The following NRG1 variants were observed in gnomAD, a reference collection of about 807,000 sequenced individuals.
The protein encoded by NRG1 is neuregulin 1.
Under a neutral mutation model 63.8 loss-of-function variants are expected in NRG1, and 18 were observed. The ratio of observed to expected loss-of-function variants is 0.28; its 90% confidence interval spans 0.19 to 0.42. The LOEUF is 0.42. NRG1 is among the 10% of genes least tolerant of loss of function. The probability of loss-of-function intolerance (pLI) is 1.00; values close to 1 mark genes in which losing one functional copy is unlikely to be tolerated. For synonymous variants in NRG1, 302 were observed against 301.3 expected, an observed-to-expected ratio of 1.00 and a Z score of -0.02; for missense variants, 762 against 814.7, an observed-to-expected ratio of 0.94 and a Z score of 0.79.
chr8:31,778,996 C>T (rs1002359858), intron 1 of NRG1, among the ~76,000 whole-genome samples: 11 of 152,200 alleles, frequency 7.2e-5, no homozygotes, highest in African/African-American at 2.7e-4. Context: ...ACTTCAGATG[C>T]TCAGGAACGA....
chr8:32,244,257 T>C (rs1203333399), intron 1 of NRG1, among the ~76,000 whole-genome samples: 1 of 152,200 alleles, frequency 6.6e-6, no homozygotes, highest in Non-Finnish European at 1.5e-5. Flanking sequence ...AGAAAAGTGA[T>C]TTTCAGATCA....
intron 1 of NRG1, among the ~76,000 whole-genome samples, chr8:32,418,396 C>A (rs1816230935): frequency 6.8e-6 from 1 of 146,460 alleles, no homozygotes; most frequent in African/African-American, 2.4e-5. Flanking sequence ...ATAATATATT[C>A]TCTTTTATAT....
At chr8:31,926,609 G>A (rs1834378742) in intron 1 of NRG1, among the ~76,000 whole-genome samples, 1 of 152,086 alleles carries the variant, frequency 6.6e-6, no homozygotes, top group South Asian at 2.1e-4. Context: ...ATCCTCATAT[G>A]TGCAATGAAA....
intron 1 of NRG1, among the ~76,000 whole-genome samples, chr8:31,774,766 C>A (rs1402163471): frequency 1.3e-5 from 2 of 152,116 alleles, no homozygotes; most frequent in African/African-American, 4.8e-5. Flanking sequence ...TAAAAGGGGG[C>A]TTTAAAGTAC....
At chr8:32,646,694 A>G in intron 5 of NRG1, 1 of 985,430 alleles carries the variant, frequency 1.0e-6, no homozygotes, top group Non-Finnish European at 1.2e-6. Context: ...AGAGAAAGAA[A>G]GAAAAAGGAG....
chr8:32,627,558 C>T (rs572575316), intron 5 of NRG1, among the ~76,000 whole-genome samples: 1 of 152,286 alleles, frequency 6.6e-6, no homozygotes, highest in Non-Finnish European at 1.5e-5. Flanking sequence ...AATGCTCCCA[C>T]CTCAGCCCCA....
intron 5 of NRG1, among the ~76,000 whole-genome samples, chr8:32,702,183 T>C (rs959060224): frequency 6.6e-6 from 1 of 152,298 alleles, no homozygotes; most frequent in Non-Finnish European, 1.5e-5. Flanking sequence ...GGGAAGTGTA[T>C]CCTGAGTGCT....
chr8:32,481,208 G>T (rs188720598), intron 1 of NRG1, among the ~76,000 whole-genome samples: 6 of 152,014 alleles, frequency 3.9e-5, no homozygotes, highest in Non-Finnish European at 7.4e-5. Context: ...CTGGGTATGT[G>T]GGGGGTGCAC....
At chr8:32,549,982 GGC>G (rs1206985747) in intron 1 of NRG1, among the ~76,000 whole-genome samples, 1 of 152,128 alleles carries the variant, frequency 6.6e-6, no homozygotes, top group Non-Finnish European at 1.5e-5. Flanking sequence ...ATAATACTGT[GGC>G]TACAGTAATA....
intron 1 of NRG1, among the ~76,000 whole-genome samples, chr8:32,192,538 T>A (rs1391601304): frequency 1.3e-5 from 2 of 151,808 alleles, no homozygotes; most frequent in African/African-American, 4.8e-5. Flanking sequence ...GCACAAAACA[T>A]TGGGTACCCA....
At chr8:31,920,680 G>A (rs1027235138) in intron 1 of NRG1, among the ~76,000 whole-genome samples, 1 of 152,084 alleles carries the variant, frequency 6.6e-6, no homozygotes, top group African/African-American at 2.4e-5. Context: ...GTATGACCTT[G>A]AGGATGTTGG....
At chr8:32,111,035 C>A (rs1831947314) in intron 1 of NRG1, among the ~76,000 whole-genome samples, 1 of 152,176 alleles carries the variant, frequency 6.6e-6, no homozygotes, top group Non-Finnish European at 1.5e-5. Context: ...TTTCTCCTAA[C>A]AATAGAAGGT....
At chr8:32,401,253 T>A (rs1256970970) in intron 1 of NRG1, among the ~76,000 whole-genome samples, 1 of 152,074 alleles carries the variant, frequency 6.6e-6, no homozygotes, top group African/African-American at 2.4e-5. Context: ...ACACGCAGCT[T>A]ACCAATATAA....
chr8:31,909,942 T>C (rs776395), intron 1 of NRG1, among the ~76,000 whole-genome samples: 35,586 of 152,076 alleles, frequency 0.23, 6,678 homozygotes, highest in African/African-American at 0.52. Context: ...AGGGTGAACA[T>C]GGCAGATGTG....
chr8:31,670,607 G>A (rs1307538122), intron 1 of NRG1, among the ~76,000 whole-genome samples: 1 of 151,396 alleles, frequency 6.6e-6, no homozygotes, highest in Non-Finnish European at 1.5e-5. Flanking sequence ...TTCTGACAGA[G>A]ATGATCAGAG....
chr8:31,675,271 G>A (rs1022295058), intron 1 of NRG1, among the ~76,000 whole-genome samples: 1 of 152,198 alleles, frequency 6.6e-6, no homozygotes, highest in East Asian at 1.9e-4. Context: ...GAACCTGGAG[G>A]TGGAGGTTGC....
intron 1 of NRG1, among the ~76,000 whole-genome samples, chr8:32,273,243 G>A (rs895168005): frequency 6.6e-6 from 1 of 151,932 alleles, no homozygotes; most frequent in African/African-American, 2.4e-5. Context: ...AGTCTTTTCT[G>A]GTCCAAAAGC....
In NRG1 at chr8:31,868,146, T is replaced by A. The variant is rs201030686; in HGVS notation, c.37+228715T>A. On this transcript the variant is annotated intron_variant, in intron 1 of 10. Coordinates refer to the NRG1 transcript ENST00000519301. ...AAACACACACACACACACATACATC[T>A]TACACACACACACACACACACACAC... Among the ~76,000 whole-genome samples the A allele has an allele frequency of 1.5e-3, 176 of 115,874 alleles. 1 individual carries two copies. Among genetic ancestry groups the A allele is most frequent in the Admixed American group, 5.3e-3 (62 of 11,698 alleles). 76.0% of individuals were successfully genotyped at this position (115,874 alleles called of 152,430 possible).
chr8:32,632,515 C>T lies in NRG1; in HGVS notation c.502+15630C>T, dbSNP rs1375101381. On this transcript the variant is annotated intron_variant, in intron 5 of 11. Coordinates refer to ENST00000356819, the Ensembl canonical transcript of NRG1. ...GGTGAGCTGAGATCACGCCATTGCACTCCAGCCTGGGCAACAAGAGCAAAA... is the reference window on the plus strand; with the variant it reads ...GGTGAGCTGAGATCACGCCATTGCATTCCAGCCTGGGCAACAAGAGCAAAA... Among the ~76,000 whole-genome samples, 5 of 145,658 alleles carry T rather than the reference C, an allele frequency of 3.4e-5. No individual in the cohort carries two copies. The East Asian group carries it at 1.0e-3, about 30-fold the overall frequency.
Sources: allele counts gnomAD v4.1 joint callset (sites outside exome capture counted in the v4.1 genomes callset), GRCh38; gene constraint gnomAD v4.1.1; transcripts MANE v1.5; gene names NCBI Gene and HGNC (gene_info 2026-07-23, HGNC 2026-07-21).